The following ANO2 variants were observed in gnomAD, a reference collection of about 807,000 sequenced individuals.
The protein encoded by ANO2 is anoctamin 2.
In ANO2, 101 loss-of-function variants were observed where a neutral mutation model predicts 124.2. The ratio of observed to expected loss-of-function variants is 0.81; its 90% CI spans 0.69 to 0.96. The LOEUF (loss-of-function observed/expected upper bound fraction) is 0.96. Ranked by LOEUF, ANO2 falls within the 40% of genes least tolerant of loss-of-function variation. The pLI, the probability that ANO2 is intolerant of heterozygous loss-of-function variation, is 0.00. For synonymous variants in ANO2, 486 were observed against 482.5 expected (o/e 1.01, Z -0.09); for missense variants, 1,293 against 1,274.5 (o/e 1.01, Z -0.22).
chr12:5,905,544 G>C (rs1259098402), intron 3 of ANO2, among the ~76,000 whole-genome samples: 1 of 152,130 alleles, frequency 6.6e-6, no homozygotes. Context: ...CACTGAATAG[G>C]AAGTTCCTGA....
intron 19 of ANO2, among the ~76,000 whole-genome samples, chr12:5,604,420 G>A (rs1944108376): frequency 6.6e-6 from 1 of 152,220 alleles, no homozygotes; most frequent in South Asian, 2.1e-4. Context: ...ATGGAGATCT[G>A]AGAATCATCG....
chr12:5,935,579 G>T (rs949287874), intron 1 of ANO2, among the ~76,000 whole-genome samples: 1 of 152,122 alleles, frequency 6.6e-6, no homozygotes, highest in Non-Finnish European at 1.5e-5. Context: ...TGAAATTATG[G>T]CCACCATATC....
chr12:5,588,478 T>C (rs1336674788), intron 20 of ANO2, among the ~76,000 whole-genome samples: 1 of 152,220 alleles, frequency 6.6e-6, no homozygotes, highest in Admixed American at 6.5e-5. Context: ...TGGGTGACCT[T>C]AGGCAACTCA....
chr12:5,777,324 A>G (rs1030921495), intron 10 of ANO2, among the ~76,000 whole-genome samples: 1 of 152,140 alleles, frequency 6.6e-6, no homozygotes. Flanking sequence ...TCTGCAGAGA[A>G]GTAAAGATTC....
intron 16 of ANO2, among the ~76,000 whole-genome samples, chr12:5,628,696 G>C (rs1025128713): frequency 5.3e-5 from 8 of 151,736 alleles, no homozygotes; most frequent in Admixed American, 3.3e-4. Context: ...GTGCGCGCGC[G>C]CACGCGTGCG....
At chr12:5,821,236 T>A (rs1409705377) in intron 7 of ANO2, among the ~76,000 whole-genome samples, 1 of 152,196 alleles carries the variant, frequency 6.6e-6, no homozygotes, top group Non-Finnish European at 1.5e-5. Flanking sequence ...TCAGTAAAAT[T>A]TCTAGGGGTC....
At chr12:5,642,255 T>C (rs1276846050) in intron 15 of ANO2, among the ~76,000 whole-genome samples, 1 of 152,208 alleles carries the variant, frequency 6.6e-6, no homozygotes. Flanking sequence ...TTTCTCTATC[T>C]ACTCTCATTC....
chr12:5,918,438 CT>C (rs59787191), intron 3 of ANO2, among the ~76,000 whole-genome samples: 52,522 of 118,822 alleles, frequency 0.44, 9,507 homozygotes, highest in Middle Eastern at 0.57. Flanking sequence ...TAACTTGAAT[CT>C]TTTTTTTTTT....
At chr12:5,657,528 C>G (rs1947219949) in intron 14 of ANO2, among the ~76,000 whole-genome samples, 1 of 148,536 alleles carries the variant, frequency 6.7e-6, no homozygotes, top group African/African-American at 2.5e-5. Context: ...GAAATAGGAT[C>G]TTGTTCTGTC....
rs759489459 is a variant in ANO2 at position 5,612,751 on chromosome 12, A to C, written c.1992T>G (p.Ala664=). Residue 664 remains alanine, a synonymous_variant, in exon 19 of 25, where the codon GCT becomes GCG. Transcript: ENST00000682330. ...AGAGCTCCATGAGACAGCCCCCTGG[A>C]GCACACTGCAGGGAGAAGATAAGGA... The part of the protein sequence containing the change: ...VFDGYRMEEC[A]PGGCLMELCI... 1 of 1,613,848 alleles carries C rather than the reference A, an allele frequency of 6.2e-7. No homozygotes were observed. Among genetic ancestry groups the C allele is most frequent in the Non-Finnish European group, 8.5e-7 (1 of 1,179,832 alleles).
intron 13 of ANO2, among the ~76,000 whole-genome samples, chr12:5,733,346 T>G (rs1950721026): frequency 6.6e-6 from 1 of 152,094 alleles, no homozygotes; most frequent in Non-Finnish European, 1.5e-5. Flanking sequence ...AGGACCATGG[T>G]CAAATCAGTG....
intron 10 of ANO2, among the ~76,000 whole-genome samples, chr12:5,788,824 G>T (rs1288712681): frequency 6.6e-6 from 1 of 152,208 alleles, no homozygotes; most frequent in African/African-American, 2.4e-5. Context: ...CTCTCAAAGT[G>T]CTGGGATTAC....
At chr12:5,866,498 T>C (rs1955431367) in intron 3 of ANO2, among the ~76,000 whole-genome samples, 1 of 152,182 alleles carries the variant, frequency 6.6e-6, no homozygotes. Flanking sequence ...CTCACTGATA[T>C]AAGAAACTAC....
intron 10 of ANO2, among the ~76,000 whole-genome samples, chr12:5,785,970 TC>T (rs1015466082): frequency 3.4e-5 from 5 of 146,038 alleles, no homozygotes; most frequent in African/African-American, 1.3e-4. Context: ...TACAAAATGC[TC>T]CAGATGTGAT....
Position 5,769,248 on chromosome 12 carries a change from A to C in ANO2, c.1056-18278T>G, listed in dbSNP as rs1820464386. On this transcript the variant is annotated intron_variant, in intron 10 of 24. Coordinates refer to ENST00000682330, the MANE Select transcript of ANO2 (RefSeq NM_001364791.2). This position sits in a 1 kb window ranked among gnomAD's most constrained non-coding sequence, Gnocchi z 4.0. ...AAATAAAGAGCCATCGTATGGAGCA[A>C]GGGAGGCTGCAGAGCCAGGCTGATG... 6.6e-6 allele frequency among the ~76,000 whole-genome samples: 1 copy of C among 152,160 alleles called. No individual in the cohort carries two copies. The highest frequency in any genetic ancestry group is 2.4e-5 in the African/African-American group (1 of 41,446).
At chr12:5,677,710 A>C (rs1371028369) in intron 14 of ANO2, among the ~76,000 whole-genome samples, 1 of 152,194 alleles carries the variant, frequency 6.6e-6, no homozygotes, top group African/African-American at 2.4e-5. Flanking sequence ...CCATACCCAA[A>C]GGAAATGACT....
chr12:5,690,436 G>A (rs1948880452), intron 14 of ANO2, among the ~76,000 whole-genome samples: 1 of 152,316 alleles, frequency 6.6e-6, no homozygotes, highest in East Asian at 1.9e-4. Flanking sequence ...GGCAACCAAA[G>A]CTCTTGGCCA....
intron 14 of ANO2, among the ~76,000 whole-genome samples, chr12:5,702,721 T>C (rs1017871000): frequency 6.6e-6 from 1 of 152,350 alleles, no homozygotes; most frequent in Non-Finnish European, 1.5e-5. Flanking sequence ...AGCTTTATGA[T>C]CTTGCTGGAT....
chr12:5,648,489 C>G (rs1166427570), intron 14 of ANO2, among the ~76,000 whole-genome samples: 1 of 152,194 alleles, frequency 6.6e-6, no homozygotes, highest in South Asian at 2.1e-4. Context: ...TCCAGTTCAC[C>G]CAGGCCATTA....
Sources: allele counts gnomAD v4.1 joint callset (sites outside exome capture counted in the v4.1 genomes callset), GRCh38; gene constraint gnomAD v4.1.1; non-coding constraint Gnocchi (gnomAD v3.1); transcripts MANE v1.5; gene names NCBI Gene and HGNC (gene_info 2026-07-23, HGNC 2026-07-21).